Variants in PXDNL observed in about 807,000 individuals in gnomAD.
PXDNL encodes probable oxidoreductase PXDNL.
In PXDNL, 145 loss-of-function variants were observed where a neutral mutation model predicts 150.8. The ratio of observed to expected loss-of-function variants is 0.96; its 90% CI spans 0.84 to 1.10. The LOEUF (loss-of-function observed/expected upper bound fraction) is 1.10, where lower values mean the gene tolerates loss of function less well. Among genes scored for constraint, PXDNL ranks in the 50% least tolerant of loss-of-function variants. The pLI is 0.00. For missense variants in PXDNL, 2,087 were observed against 1,873.9 expected, an observed-to-expected ratio of 1.11 and a Z score of -2.10; for synonymous variants, 757 against 725.7, an observed-to-expected ratio of 1.04 and a Z score of -0.69.
chr8:51,433,245 T>C (rs1002192450), intron 12 of PXDNL, among the ~76,000 whole-genome samples: 1 of 149,290 alleles, frequency 6.7e-6, no homozygotes, highest in Non-Finnish European at 1.5e-5. Flanking sequence ...ATAATAATAA[T>C]AATAGAAATA....
At chr8:51,446,195 A>C (rs1809668530) in intron 12 of PXDNL, among the ~76,000 whole-genome samples, 1 of 152,242 alleles carries the variant, frequency 6.6e-6, no homozygotes, top group Non-Finnish European at 1.5e-5. Context: ...ACGTTGATGC[A>C]TGCAGCAGAG....
At chr8:51,687,710 A>T (rs1815907672) in intron 1 of PXDNL, among the ~76,000 whole-genome samples, 1 of 152,192 alleles carries the variant, frequency 6.6e-6, no homozygotes, top group Non-Finnish European at 1.5e-5. Context: ...CAGGAGACTG[A>T]TAATTTTTAA....
At chr8:51,651,452 A>G (rs1452771663) in intron 2 of PXDNL, among the ~76,000 whole-genome samples, 1 of 152,198 alleles carries the variant, frequency 6.6e-6, no homozygotes, top group African/African-American at 2.4e-5. Flanking sequence ...AAGGAGTTAA[A>G]TAACTTGCCA....
intron 1 of PXDNL, among the ~76,000 whole-genome samples, chr8:51,777,213 G>T (rs968228450): frequency 6.6e-6 from 1 of 152,116 alleles, no homozygotes; most frequent in African/African-American, 2.4e-5. Context: ...TTCCAACATT[G>T]ACCCAGTAGG....
chr8:51,386,333 C>T (rs961215455), intron 17 of PXDNL, among the ~76,000 whole-genome samples: 5 of 152,160 alleles, frequency 3.3e-5, no homozygotes, highest in South Asian at 2.1e-4. Flanking sequence ...CCTCGTGATC[C>T]GCCTGCCTCG....
At chr8:51,515,568 C>A (rs1237620850) in intron 4 of PXDNL, among the ~76,000 whole-genome samples, 1 of 152,192 alleles carries the variant, frequency 6.6e-6, no homozygotes. Flanking sequence ...AAACACATTC[C>A]TTGCCTTCAT....
intron 8 of PXDNL, among the ~76,000 whole-genome samples, chr8:51,464,047 T>C (rs901641955): frequency 3.3e-5 from 5 of 149,524 alleles, no homozygotes; most frequent in Admixed American, 1.3e-4. Context: ...TAAAATAAAC[T>C]AACCCAAAAG....
chr8:51,719,900 A>G (rs1405829209), intron 1 of PXDNL, among the ~76,000 whole-genome samples: 1 of 151,986 alleles, frequency 6.6e-6, no homozygotes, highest in Non-Finnish European at 1.5e-5. Flanking sequence ...CTCTACATCT[A>G]AGACTGTGAG....
chr8:51,344,282 TAA>T (rs74274612), intron 20 of PXDNL, among the ~76,000 whole-genome samples: 12 of 143,170 alleles, frequency 8.4e-5, no homozygotes, highest in Non-Finnish European at 1.9e-4. Flanking sequence ...TTTTTTAAAT[TAA>T]AAAAAAAAAA....
chr8:51,755,665 C>A (rs2037092981), intron 1 of PXDNL, among the ~76,000 whole-genome samples: 1 of 152,126 alleles, frequency 6.6e-6, no homozygotes, highest in South Asian at 2.1e-4. Flanking sequence ...ACACACATAA[C>A]TCATAAATGT....
chr8:51,744,975 AG>A (rs2036965879), intron 1 of PXDNL, among the ~76,000 whole-genome samples: 1 of 13,230 alleles, frequency 7.6e-5, no homozygotes, highest in Non-Finnish European at 1.6e-4. Flanking sequence ...AAAGAAAGAA[AG>A]AAAGAAAGAA....
At chr8:51,717,660 G>A (rs1328657435) in intron 1 of PXDNL, among the ~76,000 whole-genome samples, 1 of 152,224 alleles carries the variant, frequency 6.6e-6, no homozygotes, top group African/African-American at 2.4e-5. Context: ...TGTGACCAGA[G>A]ACCACAGGGC....
At chr8:51,449,197 T>C (rs1809750173) in intron 10 of PXDNL, 79 bp from the exon 11 acceptor site, 1 of 732,018 alleles carries the variant, frequency 1.4e-6, no homozygotes, top group Non-Finnish European at 2.3e-6. Context: ...GAAAATGTCT[T>C]CAAATATGTC....
At chr8:51,379,744 T>C (rs546161381) in intron 17 of PXDNL, among the ~76,000 whole-genome samples, 1 of 152,298 alleles carries the variant, frequency 6.6e-6, no homozygotes, top group South Asian at 2.1e-4. Context: ...CCCAATGCCA[T>C]AGAGATATTC....
chr8:51,518,219 C>G (rs371099238), intron 4 of PXDNL, among the ~76,000 whole-genome samples: 1 of 152,164 alleles, frequency 6.6e-6, no homozygotes, highest in Non-Finnish European at 1.5e-5. Flanking sequence ...AACCCACAGA[C>G]GGATTCCAAT....
intron 3 of PXDNL, among the ~76,000 whole-genome samples, chr8:51,591,854 G>A (rs774633422): frequency 4.6e-5 from 7 of 152,152 alleles, no homozygotes; most frequent in Non-Finnish European, 7.4e-5. Context: ...TCCTGACCTC[G>A]TGATCCGCCC....
intron 2 of PXDNL, among the ~76,000 whole-genome samples, chr8:51,637,256 C>A (rs1403920342): frequency 6.6e-6 from 1 of 152,076 alleles, no homozygotes; most frequent in African/African-American, 2.4e-5. Flanking sequence ...GGGAAAAAAA[C>A]AGAGCAGAAA....
At chr8:51,496,809 T>C (rs1364582923) in intron 5 of PXDNL, among the ~76,000 whole-genome samples, 1 of 152,112 alleles carries the variant, frequency 6.6e-6, no homozygotes, top group African/African-American at 2.4e-5. Context: ...TGGAAGAACA[T>C]TCCATGCTCA....
intron 20 of PXDNL, among the ~76,000 whole-genome samples, chr8:51,341,987 A>G (rs962804055): frequency 6.6e-6 from 1 of 152,176 alleles, no homozygotes; most frequent in African/African-American, 2.4e-5. Flanking sequence ...GAGGATATCA[A>G]AGAGATGTCT....
Sources: allele counts gnomAD v4.1 joint callset (sites outside exome capture counted in the v4.1 genomes callset), GRCh38; gene constraint gnomAD v4.1.1; transcripts MANE v1.5; gene names NCBI Gene and HGNC (gene_info 2026-07-23, HGNC 2026-07-21).